The following DYNC2H1 variants were observed in gnomAD, a reference collection of about 807,000 sequenced individuals.
DYNC2H1 encodes the protein cytoplasmic dynein 2 heavy chain 1.
DYNC2H1 carries 410 observed loss-of-function variants against 570.0 expected under a neutral mutation model. That is an observed-to-expected ratio of 0.72 (90% CI 0.66 to 0.78). The LOEUF (loss-of-function observed/expected upper bound fraction) is 0.78. DYNC2H1 is among the 30% of genes least tolerant of loss of function. The pLI, the probability that DYNC2H1 is intolerant of heterozygous loss-of-function variation, is 0.00. For synonymous variants in DYNC2H1, 1,688 were observed against 1,677.6 expected, an observed-to-expected ratio of 1.01 and a Z score of -0.15; for missense variants, 4,865 against 5,046.4, an observed-to-expected ratio of 0.96 and a Z score of 1.09.
chr11:103,224,252 T>TAA (rs112591683), intron 59 of DYNC2H1, among the ~76,000 whole-genome samples: 59 of 146,094 alleles, frequency 4.0e-4, no homozygotes, highest in East Asian at 1.4e-3. Context: ...TTATGTTCTT[T>TAA]TAAAAAAAAA....
intron 84 of DYNC2H1, among the ~76,000 whole-genome samples, chr11:103,413,295 T>C (rs1445866110): frequency 1.3e-5 from 2 of 152,228 alleles, no homozygotes; most frequent in African/African-American, 4.8e-5. Context: ...TTAGGAAAGT[T>C]CTACTCCAAC....
Position 103,179,009 on chromosome 11 carries a change from T to C in DYNC2H1, c.6140-17T>C, listed in dbSNP as rs1422737266. ...ATATATTTTTATTTTGTCTCCACTG[T>C]TTTGATTTGAAAATAGATGTCAGCT... On this transcript the variant is annotated splice_polypyrimidine_tract_variant and intron_variant, in intron 38 of 88. Coordinates refer to ENST00000375735, the MANE Select transcript of DYNC2H1 (RefSeq NM_001377.3). The C allele has an allele frequency of 6.3e-7, 1 of 1,597,986 alleles. No homozygotes were observed. Among genetic ancestry groups the C allele is most frequent in the Non-Finnish European group, 8.6e-7 (1 of 1,168,924 alleles).
At chr11:103,255,077 A>G (rs1041090768) in intron 66 of DYNC2H1, among the ~76,000 whole-genome samples, 5 of 151,960 alleles carry the variant, frequency 3.3e-5, no homozygotes, top group Non-Finnish European at 7.4e-5. Flanking sequence ...GGCCCTTTTT[A>G]TTTGTTAATG....
intron 26 of DYNC2H1, 45 bp from the exon 27 acceptor site, chr11:103,158,632 C>G: frequency 1.4e-6 from 2 of 1,466,924 alleles, no homozygotes; most frequent in Non-Finnish European, 1.8e-6. Context: ...CTTACCCCCC[C>G]AAATTGTTAA....
chr11:103,139,266 T>A (rs1460310899), intron 17 of DYNC2H1, among the ~76,000 whole-genome samples: 9 of 151,598 alleles, frequency 5.9e-5, no homozygotes, highest in East Asian at 1.9e-4. Flanking sequence ...CTTTTGAATG[T>A]GTTTGCTCTT....
At chr11:103,286,438 T>A (rs1866356035) in intron 74 of DYNC2H1, 52 bp downstream of exon 74, 2 of 1,579,160 alleles carry the variant, frequency 1.3e-6, no homozygotes, top group South Asian at 2.3e-5. Context: ...TTTCTCTTAT[T>A]ATTCAGAAGC....
At chr11:103,441,236 T>G (rs567121097) in intron 85 of DYNC2H1, among the ~76,000 whole-genome samples, 2 of 152,176 alleles carry the variant, frequency 1.3e-5, no homozygotes, top group East Asian at 3.9e-4. Context: ...TTCCTCTCCT[T>G]GGAATGCTCT....
chr11:103,423,219 A>G (rs939270681), intron 84 of DYNC2H1, among the ~76,000 whole-genome samples: 3 of 150,572 alleles, frequency 2.0e-5, no homozygotes, highest in African/African-American at 4.9e-5. Flanking sequence ...CCATTAATCA[A>G]TGGATTGGAA....
intron 17 of DYNC2H1, among the ~76,000 whole-genome samples, chr11:103,141,309 GCT>G (rs1859912143): frequency 6.6e-6 from 1 of 152,070 alleles, no homozygotes; most frequent in African/African-American, 2.4e-5. Flanking sequence ...CAGTTTTTCT[GCT>G]CTGTTTTTTT....
chr11:103,110,942 C>T (rs1328031013), intron 1 of DYNC2H1, among the ~76,000 whole-genome samples: 3 of 152,112 alleles, frequency 2.0e-5, no homozygotes, highest in Non-Finnish European at 2.9e-5. Context: ...TCTCCTGCCA[C>T]AGCCTCCCAA....
At chr11:103,406,076 C>T (rs560423337) in intron 84 of DYNC2H1, 18 of 152,074 alleles carry the variant, frequency 1.2e-4, no homozygotes, top group African/African-American at 3.1e-4. Context: ...CTAGCAAGGG[C>T]TTAGGTTAAT....
chr11:103,428,811 T>A (rs2135735710), intron 84 of DYNC2H1, among the ~76,000 whole-genome samples: 1 of 151,832 alleles, frequency 6.6e-6, no homozygotes, highest in South Asian at 2.1e-4. Flanking sequence ...CATATATCAA[T>A]TTTTTTTTCT....
intron 62 of DYNC2H1, 130 bp downstream of exon 62, chr11:103,235,943 A>T: frequency 8.5e-7 from 1 of 1,180,118 alleles, no homozygotes; most frequent in South Asian, 1.9e-5. Context: ...GAAATTTTAT[A>T]TGGGTTCCAA....
chr11:103,166,912 T>C (rs1317551392), intron 31 of DYNC2H1, among the ~76,000 whole-genome samples: 1 of 151,472 alleles, frequency 6.6e-6, no homozygotes, highest in Admixed American at 6.6e-5. Context: ...TGTATTATAC[T>C]CTTTCTCCTA....
intron 83 of DYNC2H1, among the ~76,000 whole-genome samples, chr11:103,392,561 C>T (rs1229737315): frequency 1.3e-5 from 2 of 152,190 alleles, no homozygotes; most frequent in South Asian, 2.1e-4. Flanking sequence ...AGAAATCTTT[C>T]GTCTTCTGCG....
rs1266688624 is a variant in DYNC2H1, at chr11:103,151,774, G to GA, written c.2947-359dup. ...ATAATCACTAATTTTAGCTCCTTTA[G>GA]AAACCTCTTTAGCATTTTCTTGTGA... On this transcript the variant is annotated intron_variant, in intron 20 of 88. Transcript: ENST00000375735. This position sits in a 1 kb window ranked among gnomAD's most constrained non-coding sequence, Gnocchi z 4.6. 6.6e-6 allele frequency among the ~76,000 whole-genome samples: 1 copy of GA among 152,016 alleles called. No individual in the cohort carries two copies. Among genetic ancestry groups the GA allele is most frequent in the African/African-American group, 2.4e-5 (1 of 41,396 alleles).
Position 103,324,868 on chromosome 11 carries a change from G to T in DYNC2H1, c.12039+878G>T, listed in dbSNP as rs112665971. ...TTCCCTTTTCTCTGCAACCTTGCCA[G>T]CACCTGTTATTTTTTGACTTTTTAA... On this transcript the variant is annotated intron_variant, in intron 82 of 88. Transcript: ENST00000375735. This position sits in a 1 kb window ranked among gnomAD's most constrained non-coding sequence, Gnocchi z 5.2. 2.0e-5 allele frequency among the ~76,000 whole-genome samples: 3 copies of T among 152,172 alleles called. No homozygotes were observed. The highest frequency in any genetic ancestry group is 7.2e-5 in the African/African-American group (3 of 41,440).
chr11:103,470,650 G>A (rs1333538213), intron 88 of DYNC2H1, among the ~76,000 whole-genome samples: 3 of 152,092 alleles, frequency 2.0e-5, no homozygotes, highest in Non-Finnish European at 4.4e-5. Context: ...CCACCTATGA[G>A]TGAGAACATG....
At chr11:103,221,614 C>T (rs1479486134) in intron 57 of DYNC2H1, among the ~76,000 whole-genome samples, 1 of 152,156 alleles carries the variant, frequency 6.6e-6, no homozygotes, top group Non-Finnish European at 1.5e-5. Flanking sequence ...CCTGTAATCC[C>T]AGCACTTTGG....
Sources: allele counts gnomAD v4.1 joint callset (sites outside exome capture counted in the v4.1 genomes callset), GRCh38; gene constraint gnomAD v4.1.1; non-coding constraint Gnocchi (gnomAD v3.1); transcripts MANE v1.5; gene names NCBI Gene and HGNC (gene_info 2026-07-23, HGNC 2026-07-21).